Variants in SORBS2 observed in about 807,000 individuals in gnomAD.
SORBS2 encodes sorbin and SH3 domain containing 2.
In SORBS2, 46 loss-of-function variants were observed where a neutral mutation model predicts 97.7. The observed-to-expected ratio is 0.47, with a 90% CI of 0.37 to 0.60. SORBS2 has a LOEUF of 0.60. Ranked by LOEUF, SORBS2 falls within the 20% of genes least tolerant of loss-of-function variation. The probability of loss-of-function intolerance (pLI) is 0.00; values close to 1 mark genes in which losing one functional copy is unlikely to be tolerated. For missense variants in SORBS2, 1,316 were observed against 1,282.3 expected, an observed-to-expected ratio of 1.03 and a Z score of -0.40; for synonymous variants, 476 against 473.4, an observed-to-expected ratio of 1.01 and a Z score of -0.07.
chr4:185,623,958 T>C lies in SORBS2; in HGVS notation c.1171A>G (p.Lys391Glu). ...TGGCTCCAGGCGCGCAGCAGGTCCT[T>C]GTGCTGCTGCTCGCTCTCGTACTGC... The change falls in exon 7 of 15, where the codon AAG becomes GAG. Residue 391 changes from lysine (K) to glutamate (E), a missense_variant. By Grantham distance (56) the Lys-to-Glu change is moderately conservative (BLOSUM62 1). Coordinates refer to ENST00000418609, the Ensembl canonical transcript of SORBS2. This position sits in a 1 kb window ranked among gnomAD's most constrained non-coding sequence, Gnocchi z 6.4. 6.2e-7 allele frequency: 1 copy of C among 1,614,196 alleles called. No individual in the cohort carries two copies. Among genetic ancestry groups the C allele is most frequent in the South Asian group, 1.1e-5 (1 of 91,084 alleles).
chr4:185,587,840 C>G, intron 14 of SORBS2, 152 bp from the exon 27 acceptor site: 1 of 630,912 alleles, frequency 1.6e-6, no homozygotes, highest in Non-Finnish European at 2.8e-6. Flanking sequence ...AGCCCATAGG[C>G]AGACAAAATA....
At chr4:185,801,453 C>G (rs2099129943) in intron 1 of SORBS2, among the ~76,000 whole-genome samples, 1 of 152,154 alleles carries the variant, frequency 6.6e-6, no homozygotes. Flanking sequence ...CAAGGGTTCC[C>G]TTTTCTCCAC....
chr4:185,650,595 A>G (rs1360484000), intron 2 of SORBS2, among the ~76,000 whole-genome samples: 3 of 152,176 alleles, frequency 2.0e-5, no homozygotes, highest in Non-Finnish European at 2.9e-5. Context: ...TAAAAATTCT[A>G]AATTTTCCTG....
At chr4:185,773,967 CT>C (rs2098986925) in intron 2 of SORBS2, 1 of 140,646 alleles carries the variant, frequency 7.1e-6, no homozygotes, top group East Asian at 2.0e-4. Flanking sequence ...TTCCAGTTTT[CT>C]TTTGATTCTA....
chr4:185,909,264 T>C (rs1157525892), intron 1 of SORBS2, among the ~76,000 whole-genome samples: 2 of 152,290 alleles, frequency 1.3e-5, no homozygotes, highest in East Asian at 3.9e-4. Context: ...GAACTGGAGG[T>C]CATTACCTTA....
intron 4 of SORBS2, among the ~76,000 whole-genome samples, chr4:185,664,995 T>C (rs1175403209): frequency 6.6e-6 from 1 of 152,220 alleles, no homozygotes; most frequent in Non-Finnish European, 1.5e-5. Context: ...CATTCACAGA[T>C]CATTTATTAG....
chr4:185,663,394 T>C (rs903904522), intron 4 of SORBS2, among the ~76,000 whole-genome samples: 2 of 152,244 alleles, frequency 1.3e-5, no homozygotes, highest in Admixed American at 1.3e-4. Flanking sequence ...TTCATTACTG[T>C]ATAACCATAC....
chr4:185,695,841 T>C (rs553590378), intron 2 of SORBS2, among the ~76,000 whole-genome samples: 2 of 152,346 alleles, frequency 1.3e-5, no homozygotes, highest in African/African-American at 2.4e-5. Flanking sequence ...CCAAGTAGTT[T>C]GTTTTGTGAG....
At chr4:185,630,586 G>T in exon 5 of SORBS2, 1 of 1,598,372 alleles carries the variant, frequency 6.3e-7, no homozygotes, top group South Asian at 1.1e-5. Context: ...ATAGAGGACT[G>T]ATACAAGGAG....
intron 1 of SORBS2, among the ~76,000 whole-genome samples, chr4:185,874,306 C>T (rs1411069643): frequency 6.6e-6 from 1 of 152,064 alleles, no homozygotes; most frequent in East Asian, 1.9e-4. Flanking sequence ...GAAAAACAGG[C>T]ATGCATAACT....
Position 185,623,283 on chromosome 4 carries a change from A to C in SORBS2, c.1846T>G (p.Ser616Ala), listed in dbSNP as rs781506402. ...TTTTCAGTCTGTTTCTTAGGAGCCG[A>C]ATTTTTTTTCCTCCGGAAAGGCACA... The change falls in exon 7 of 15, where the codon TCG becomes GCG. Residue 616 changes from serine to alanine, a missense_variant. Coordinates refer to ENST00000418609, the Ensembl canonical transcript of SORBS2. This position sits in a 1 kb window ranked among gnomAD's most constrained non-coding sequence, Gnocchi z 6.4. The C allele has an allele frequency of 3.1e-6, 5 of 1,613,968 alleles. No homozygotes were observed. The African/African-American group carries it at 6.7e-5, about 22-fold the overall frequency.
intron 2 of SORBS2, among the ~76,000 whole-genome samples, chr4:185,691,969 G>C (rs563908950): frequency 6.6e-6 from 1 of 152,196 alleles, no homozygotes. Context: ...GGATGGCTAC[G>C]ATCTCCTGAC....
Position 185,623,920 on chromosome 4 carries a change from C to G in SORBS2, c.1209G>C (p.Glu403Asp). 1.9e-6 allele frequency: 3 copies of G among 1,614,196 alleles called. No homozygotes were observed. Among genetic ancestry groups the G allele is most frequent in the Non-Finnish European group, 2.5e-6 (3 of 1,180,040 alleles). ...TGGGCACCATGTCCCGGGGCACCTC[C>G]TCCGTGGAGCACTGGCTCCAGGCGC... Residue 403 changes from glutamate to aspartate, a missense_variant, in exon 7 of 15, where the codon GAG becomes GAC. Coordinates refer to ENST00000418609, the Ensembl canonical transcript of SORBS2. This position sits in a 1 kb window ranked among gnomAD's most constrained non-coding sequence, Gnocchi z 6.4.
At chr4:185,680,000 G>A (rs1375743743) in intron 2 of SORBS2, among the ~76,000 whole-genome samples, 1 of 152,214 alleles carries the variant, frequency 6.6e-6, no homozygotes, top group African/African-American at 2.4e-5. Context: ...AGGTGAGCTA[G>A]AGAAGACTAA....
Position 185,626,123 on chromosome 4 carries a change from CAGA to C in SORBS2, c.634+706_634+708del, listed in dbSNP as rs558687967. Among the ~76,000 whole-genome samples, 12 of 150,618 alleles carry C rather than the reference CAGA, an allele frequency of 8.0e-5. No homozygotes were observed. The South Asian group carries it at 2.3e-3, about 29-fold the overall frequency. On this transcript the variant is annotated intron_variant, in intron 6 of 14. Transcript: ENST00000418609. The stretch of plus-strand genomic sequence containing the variant: ...TACCACTAAATGGTCTTCCAGAAAC[CAGA>C]AGGAGTGACTTCTTTCAACAGTGAG...
At chr4:185,733,268 T>C (rs915275550) in intron 2 of SORBS2, among the ~76,000 whole-genome samples, 2 of 152,114 alleles carry the variant, frequency 1.3e-5, no homozygotes, top group African/African-American at 4.8e-5. Context: ...TTTGGGGAGA[T>C]AGATTTGGGT....
chr4:185,752,315 G>T (rs945685740), intron 2 of SORBS2, among the ~76,000 whole-genome samples: 6 of 151,640 alleles, frequency 4.0e-5, no homozygotes, highest in Non-Finnish European at 8.8e-5. Flanking sequence ...TCGCTCTGTC[G>T]CCCAGGCTGG....
intron 7 of SORBS2, among the ~76,000 whole-genome samples, chr4:185,621,154 T>G (rs1348094838): frequency 6.6e-6 from 1 of 152,174 alleles, no homozygotes; most frequent in African/African-American, 2.4e-5. Context: ...AAAATAAAAT[T>G]TATTTTATCC....
intron 2 of SORBS2, among the ~76,000 whole-genome samples, chr4:185,694,706 C>CTTTTGTTT (rs1200094039): frequency 8.0e-6 from 1 of 124,246 alleles, no homozygotes; most frequent in Non-Finnish European, 1.7e-5. Context: ...CCTTTTCTTT[C>CTTTTGTTT]TTTTCTTTTC....
Sources: allele counts gnomAD v4.1 joint callset (sites outside exome capture counted in the v4.1 genomes callset), GRCh38; gene constraint gnomAD v4.1.1; non-coding constraint Gnocchi (gnomAD v3.1); transcripts MANE v1.5; gene names NCBI Gene and HGNC (gene_info 2026-07-23, HGNC 2026-07-21).